The following EPB41L2 variants were observed in gnomAD, a reference collection of about 807,000 sequenced individuals.
The protein encoded by EPB41L2 is band 4.1-like protein 2.
A neutral mutation model predicts 113.0 loss-of-function variants in EPB41L2; 43 were observed. That is an observed-to-expected ratio of 0.38 (90% CI 0.30 to 0.49). The LOEUF is 0.49. EPB41L2 is among the 20% of genes least tolerant of loss of function. The probability of loss-of-function intolerance (pLI) is 0.95; values close to 1 mark genes in which losing one functional copy is unlikely to be tolerated. For missense variants in EPB41L2, 1,147 were observed against 1,223.4 expected, an observed-to-expected ratio of 0.94 and a Z score of 0.93; for synonymous variants, 442 against 436.7, an observed-to-expected ratio of 1.01 and a Z score of -0.15.
At position 130,993,725 on chromosome 6, in the gene EPB41L2, G is replaced by A. The variant is rs1227484915; in HGVS notation, c.-14-37226C>T. On this transcript the variant is annotated intron_variant, in intron 1 of 19. Transcript: ENST00000337057. The stretch of plus-strand genomic sequence containing the variant: ...TGCTCCTTGGAACTGGGCGTGAGGA[G>A]GGAGGAGTTATTCATTCCCTTAAGC... 2.6e-5 allele frequency among the ~76,000 whole-genome samples: 4 copies of A among 152,182 alleles called. 1 individual carries two copies. Among genetic ancestry groups the A allele is most frequent in the African/African-American group, 9.7e-5 (4 of 41,442 alleles).
intron 1 of EPB41L2, among the ~76,000 whole-genome samples, chr6:131,008,478 T>G (rs559348194): frequency 6.6e-6 from 1 of 152,250 alleles, no homozygotes; most frequent in Non-Finnish European, 1.5e-5. Context: ...AAGGGAAATA[T>G]AGGGTTGGAA....
At chr6:130,845,730 AG>A (rs2128399600) in intron 19 of EPB41L2, among the ~76,000 whole-genome samples, 1 of 152,334 alleles carries the variant, frequency 6.6e-6, no homozygotes, top group African/African-American at 2.4e-5. Flanking sequence ...TAGAGAAGAC[AG>A]TTTCACTTAA....
At chr6:130,878,476 T>C (rs1788262971) in intron 13 of EPB41L2, 1 of 443,378 alleles carries the variant, frequency 2.3e-6, no homozygotes, top group Admixed American at 4.4e-5. Flanking sequence ...TTCAATGATT[T>C]ACATTTTAAA....
intron 4 of EPB41L2, 65 bp from the exon 5 acceptor site, chr6:130,908,928 GT>G: frequency 7.9e-7 from 1 of 1,262,548 alleles, no homozygotes; most frequent in Admixed American, 2.1e-5. Flanking sequence ...ACAGTTTACA[GT>G]TCACATAATT....
chr6:130,906,259 A>T (rs1454085132), intron 5 of EPB41L2, among the ~76,000 whole-genome samples: 1 of 152,182 alleles, frequency 6.6e-6, no homozygotes, highest in Admixed American at 6.5e-5. Flanking sequence ...ACTAGACCAC[A>T]TATTTTCTAA....
At chr6:130,882,127 T>A (rs1329619544) in intron 12 of EPB41L2, 1 of 152,210 alleles carries the variant, frequency 6.6e-6, no homozygotes. Context: ...AACAAAAAGA[T>A]GTCATCCTAA....
intron 8 of EPB41L2, among the ~76,000 whole-genome samples, chr6:130,895,963 T>A (rs1471961175): frequency 6.6e-6 from 1 of 152,182 alleles, no homozygotes; most frequent in Admixed American, 6.5e-5. Context: ...TGTTTATCTC[T>A]AAGAGGAGAG....
At chr6:130,905,177 G>A (rs1476399678) in intron 5 of EPB41L2, among the ~76,000 whole-genome samples, 1 of 152,078 alleles carries the variant, frequency 6.6e-6, no homozygotes, top group Admixed American at 6.5e-5. Context: ...GAATGAATAA[G>A]TCAAGCAACC....
chr6:130,883,434 A>G (rs1032870558), intron 12 of EPB41L2, among the ~76,000 whole-genome samples: 7 of 152,232 alleles, frequency 4.6e-5, no homozygotes, highest in Admixed American at 2.6e-4. Flanking sequence ...TTGCAAATAG[A>G]TCCCATGAAA....
intron 4 of EPB41L2, among the ~76,000 whole-genome samples, chr6:130,910,415 A>G (rs2128514484): frequency 6.6e-6 from 1 of 152,370 alleles, no homozygotes; most frequent in Middle Eastern, 3.4e-3. Flanking sequence ...GACTAAAACC[A>G]TAACAATCCT....
intron 19 of EPB41L2, among the ~76,000 whole-genome samples, chr6:130,844,462 C>T (rs939899482): frequency 6.6e-6 from 1 of 151,766 alleles, no homozygotes; most frequent in East Asian, 1.9e-4. Flanking sequence ...GTCCCAGCTA[C>T]TCAGGAGGCT....
chr6:130,842,071 A>C (rs935225158), intron 19 of EPB41L2, among the ~76,000 whole-genome samples: 4 of 152,226 alleles, frequency 2.6e-5, no homozygotes, highest in African/African-American at 9.6e-5. Context: ...TTTCCAAGAG[A>C]CACTGCTCCC....
At chr6:130,854,141 G>C (rs981420941) in intron 19 of EPB41L2, among the ~76,000 whole-genome samples, 3 of 152,084 alleles carry the variant, frequency 2.0e-5, no homozygotes, top group Non-Finnish European at 4.4e-5. Flanking sequence ...CTCCTATTTT[G>C]TTCTCTCATA....
At chr6:130,958,303 T>G (rs1818145180) in intron 1 of EPB41L2, among the ~76,000 whole-genome samples, 1 of 151,900 alleles carries the variant, frequency 6.6e-6, no homozygotes, top group Non-Finnish European at 1.5e-5. Context: ...AATACAAAAC[T>G]TAGCTGAGCG....
At chr6:131,061,091 C>G (rs1798562657) in intron 1 of EPB41L2, among the ~76,000 whole-genome samples, 1 of 152,156 alleles carries the variant, frequency 6.6e-6, no homozygotes, top group Admixed American at 6.5e-5. Context: ...GCAAAAAGTG[C>G]TCTCAACTAC....
At chr6:130,880,350 A>G in intron 12 of EPB41L2, 144 bp from the exon 13 acceptor site, 1 of 632,536 alleles carries the variant, frequency 1.6e-6, no homozygotes, top group Non-Finnish European at 2.8e-6. Flanking sequence ...TAAAGCCACA[A>G]CAAACACAAC....
intron 12 of EPB41L2, chr6:130,882,741 C>G (rs542268773): frequency 2.0e-4 from 30 of 152,762 alleles, no homozygotes; most frequent in African/African-American, 7.2e-4. Flanking sequence ...TGCACACCAG[C>G]GGGGAGGAAG....
At chr6:130,999,203 A>T (rs543031813) in intron 1 of EPB41L2, among the ~76,000 whole-genome samples, 1 of 152,122 alleles carries the variant, frequency 6.6e-6, no homozygotes, top group African/African-American at 2.4e-5. Context: ...CCCCTCTTTC[A>T]GAGCTCAGCA....
chr6:131,047,373 G>T (rs1246438562), intron 1 of EPB41L2, among the ~76,000 whole-genome samples: 2 of 152,022 alleles, frequency 1.3e-5, no homozygotes, highest in African/African-American at 4.8e-5. Flanking sequence ...AAATAAAAGT[G>T]CCTATAGAAC....
Sources: allele counts gnomAD v4.1 joint callset (sites outside exome capture counted in the v4.1 genomes callset), GRCh38; gene constraint gnomAD v4.1.1; transcripts MANE v1.5; gene names NCBI Gene and HGNC (gene_info 2026-07-23, HGNC 2026-07-21).